INPP4B: variants seen among roughly 807,000 people sequenced by gnomAD.
INPP4B encodes the protein inositol polyphosphate 4-phosphatase type II.
Under a neutral mutation model 122.5 loss-of-function variants are expected in INPP4B, and 55 were observed. The observed-to-expected ratio is 0.45, with a 90% CI of 0.36 to 0.56. INPP4B has a LOEUF of 0.56. INPP4B is among the 20% of genes least tolerant of loss of function. The pLI is 0.00. For missense variants in INPP4B, 1,000 were observed against 1,097.7 expected (o/e 0.91, Z 1.26); for synonymous variants, 403 against 388.7 (o/e 1.04, Z -0.43).
At chr4:142,695,185 G>A (rs1382778467) in intron 2 of INPP4B, among the ~76,000 whole-genome samples, 1 of 151,942 alleles carries the variant, frequency 6.6e-6, no homozygotes, top group Non-Finnish European at 1.5e-5. Flanking sequence ...CCCTTATGGA[G>A]ACATCAAGAT....
intron 2 of INPP4B, among the ~76,000 whole-genome samples, chr4:142,608,022 C>A (rs982446096): frequency 6.6e-6 from 1 of 152,156 alleles, no homozygotes; most frequent in African/African-American, 2.4e-5. Context: ...TCTGCCACCC[C>A]AAAGATTTTC....
chr4:142,694,003 A>C (rs1760625425), intron 2 of INPP4B, among the ~76,000 whole-genome samples: 1 of 152,136 alleles, frequency 6.6e-6, no homozygotes, highest in Non-Finnish European at 1.5e-5. Context: ...CTACTAAAAT[A>C]AATAAAAGGG....
At chr4:142,742,185 A>G (rs1190062224) in intron 1 of INPP4B, among the ~76,000 whole-genome samples, 1 of 151,884 alleles carries the variant, frequency 6.6e-6, no homozygotes, top group Non-Finnish European at 1.5e-5. Context: ...AAATGTCTCA[A>G]AAGTTTCATA....
chr4:142,610,540 T>C (rs1364922), intron 2 of INPP4B, among the ~76,000 whole-genome samples: 99,767 of 151,976 alleles, frequency 0.66, 33,992 homozygotes, highest in East Asian at 0.81. Flanking sequence ...ATGACATTTA[T>C]TTTAACAGCA....
intron 18 of INPP4B, among the ~76,000 whole-genome samples, chr4:142,143,696 C>G (rs1809062343): frequency 1.3e-5 from 2 of 152,000 alleles, no homozygotes; most frequent in Admixed American, 1.3e-4. Context: ...AATTCCAGTT[C>G]TGACAATCTA....
At chr4:142,823,718 G>T (rs1781077638) in intron 1 of INPP4B, among the ~76,000 whole-genome samples, 1 of 152,146 alleles carries the variant, frequency 6.6e-6, no homozygotes, top group Admixed American at 6.6e-5. Flanking sequence ...GTTCCAGTTG[G>T]AATGATAGCG....
intron 2 of INPP4B, among the ~76,000 whole-genome samples, chr4:142,591,394 AAT>A (rs1432209338): frequency 6.6e-6 from 1 of 152,220 alleles, no homozygotes; most frequent in Non-Finnish European, 1.5e-5. Context: ...CAACTAAATA[AAT>A]AGAGCAATAA....
intron 25 of INPP4B, chr4:142,029,239 A>AAATT: frequency 9.8e-7 from 1 of 1,018,082 alleles, no homozygotes; most frequent in Non-Finnish European, 1.2e-6. Flanking sequence ...ACATTTCCAC[A>AAATT]AATTAATTTC....
intron 1 of INPP4B, among the ~76,000 whole-genome samples, chr4:142,755,201 C>T (rs183183633): frequency 6.6e-6 from 1 of 152,096 alleles, no homozygotes; most frequent in African/African-American, 2.4e-5. Flanking sequence ...GACTTTCATT[C>T]ACCTAGAGTT....
intron 2 of INPP4B, among the ~76,000 whole-genome samples, chr4:142,480,094 C>A (rs1820326296): frequency 1.3e-5 from 2 of 152,010 alleles, no homozygotes; most frequent in Admixed American, 1.3e-4. Flanking sequence ...TTTTGGAAAG[C>A]AACAGATCTA....
intron 1 of INPP4B, among the ~76,000 whole-genome samples, chr4:142,742,606 T>C (rs1768067638): frequency 6.6e-6 from 1 of 151,832 alleles, no homozygotes; most frequent in Non-Finnish European, 1.5e-5. Flanking sequence ...AACTATAATT[T>C]GAGAACAAAA....
At position 142,555,803 on chromosome 4, in the gene INPP4B, A is replaced by G. The variant is rs541509262; in HGVS notation, c.-190-93077T>C. Among the ~76,000 whole-genome samples, 16 of 151,234 alleles carry G rather than the reference A, an allele frequency of 1.1e-4. 1 individual carries two copies. The East Asian group carries it at 3.1e-3, about 30-fold the overall frequency. On this transcript the variant is annotated intron_variant, in intron 2 of 25. Transcript: ENST00000262992. ...GGAGAATGGCGTGAACCCGGGAGGCAGAGCTTGCAGTGAGCCAAGATCATG... is the reference window on the plus strand; with the variant it reads ...GGAGAATGGCGTGAACCCGGGAGGCGGAGCTTGCAGTGAGCCAAGATCATG...
chr4:142,451,064 C>T (rs967764852), intron 3 of INPP4B, among the ~76,000 whole-genome samples: 2 of 150,690 alleles, frequency 1.3e-5, no homozygotes, highest in African/African-American at 2.4e-5. Context: ...AATCAAAACA[C>T]GATAGGTGTA....
intron 25 of INPP4B, among the ~76,000 whole-genome samples, chr4:142,050,775 A>G (rs1754114102): frequency 6.6e-6 from 1 of 152,060 alleles, no homozygotes; most frequent in Non-Finnish European, 1.5e-5. Context: ...TATGTTAAAT[A>G]CCATCATCCC....
intron 2 of INPP4B, among the ~76,000 whole-genome samples, chr4:142,696,001 C>T (rs1479407209): frequency 6.6e-6 from 1 of 151,970 alleles, no homozygotes; most frequent in Non-Finnish European, 1.5e-5. Context: ...AGATCAAGTT[C>T]AAGGAGAGCC....
Position 142,082,084 on chromosome 4 carries a change from A to T in INPP4B, c.2589T>A (p.Asp863Glu). Residue 863 changes from aspartate to glutamate, a missense_variant, in exon 25 of 26, where the codon GAT becomes GAA. Transcript: ENST00000262992. The stretch of plus-strand genomic sequence containing the variant: ...AGAAGTCCTTGTGTAACTGGTGCTC[A>T]TCTCTCAAGATTGAGCATTGTTCAA... ...VTLEQCSILR[D>E]EHQLHKDFFI... The T allele has an allele frequency of 6.7e-7, 1 of 1,493,084 alleles. No individual in the cohort carries two copies. Among genetic ancestry groups the T allele is most frequent in the Non-Finnish European group, 9.1e-7 (1 of 1,097,316 alleles). The allele number at this position is 1,493,084 out of a possible 1,614,324, so 92.5% of individuals were successfully genotyped here. A position where few individuals can be genotyped will look rare whatever the true frequency, so the allele number is the denominator to read the frequency against.
chr4:142,237,738 G>T, intron 12 of INPP4B, 126 bp downstream of exon 12: 1 of 498,570 alleles, frequency 2.0e-6, no homozygotes, highest in East Asian at 3.2e-5. Flanking sequence ...TAACTGGCTC[G>T]GTTTAGCTAT....
chr4:142,766,623 A>G (rs1387766295), intron 1 of INPP4B: 1 of 152,012 alleles, frequency 6.6e-6, no homozygotes, highest in Non-Finnish European at 1.5e-5. Flanking sequence ...CTCCTCCCAA[A>G]GTGATTCTTT....
intron 25 of INPP4B, among the ~76,000 whole-genome samples, chr4:142,045,424 T>C (rs1750828639): frequency 6.6e-6 from 1 of 152,170 alleles, no homozygotes. Flanking sequence ...TTTCTGATTA[T>C]GGTCATTGGG....
Sources: gnomAD v4.1 joint callset for allele counts (sites outside exome capture counted in the v4.1 genomes callset) on GRCh38, gnomAD v4.1.1 for gene constraint, MANE v1.5 for transcripts, NCBI Gene and HGNC (gene_info 2026-07-23, HGNC 2026-07-21) for gene names.